Variants in PLEKHM1 observed in about 807,000 individuals in gnomAD.
The protein encoded by PLEKHM1 is pleckstrin homology and RUN domain containing M1.
In PLEKHM1, 28 loss-of-function variants were observed where a neutral mutation model predicts 94.3. That is an observed-to-expected ratio of 0.30 (90% CI 0.22 to 0.41). The LOEUF (loss-of-function observed/expected upper bound fraction) is 0.41. Among genes scored for constraint, PLEKHM1 ranks in the 10% least tolerant of loss-of-function variants. The pLI is 1.00. For missense variants in PLEKHM1, 907 were observed against 1,358.6 expected (o/e 0.67, Z 5.22); for synonymous variants, 424 against 581.2 (o/e 0.73, Z 3.89).
intron 8 of PLEKHM1, among the ~76,000 whole-genome samples, chr17:45,448,689 A>T (rs1275316373): frequency 1.3e-5 from 2 of 152,198 alleles, no homozygotes; most frequent in Non-Finnish European, 2.9e-5. Flanking sequence ...TGCCCTCCCA[A>T]CAACCCCGAC....
intron 3 of PLEKHM1, chr17:45,476,047 AG>A: frequency 1.5e-5 from 6 of 398,180 alleles, no homozygotes; most frequent in South Asian, 1.3e-4. Flanking sequence ...GCTACTCGGG[AG>A]GTTGAGGTGG....
At chr17:45,434,859 C>T (rs1452164596), downstream of PLEKHM1, among the ~76,000 whole-genome samples, 2 of 151,088 alleles carry the variant, frequency 1.3e-5, no homozygotes, top group Non-Finnish European at 2.9e-5. Flanking sequence ...GTCTCAGCTA[C>T]TCAGGAGGCT....
Position 45,439,496 on chromosome 17 carries a change from C to T in PLEKHM1, c.3040G>A (p.Glu1014Lys), listed in dbSNP as rs2050372853. 2 of 1,614,034 alleles carry T rather than the reference C, an allele frequency of 1.2e-6. No individual in the cohort carries two copies. The highest frequency in any genetic ancestry group is 1.7e-6 in the Non-Finnish European group (2 of 1,180,030). ...GCATACCTGACTGTGGTGTCAAACT[C>T]AAAGGGGAAGATGATGTCGTGGTGC... Reference protein sequence around the residue: ...CQHHDIIFPFEFDTTVRCAEC... With the variant: ...CQHHDIIFPFKFDTTVRCAEC... The change falls in exon 11 of 12, where the codon GAG (glutamate) becomes AAG (lysine). Residue 1014 changes from glutamate to lysine, a missense_variant. Physicochemically the swap from Glu to Lys is moderately conservative, Grantham distance 56. Coordinates refer to ENST00000430334, the MANE Select transcript of PLEKHM1 (RefSeq NM_014798.3).
intron 1 of PLEKHM1, among the ~76,000 whole-genome samples, chr17:45,489,951 G>C (rs954592185): frequency 6.6e-6 from 1 of 152,218 alleles, no homozygotes; most frequent in South Asian, 2.1e-4. Context: ...GGGACAGTTT[G>C]GCAAAGACTT....
At chr17:45,451,915 C>T (rs1425404891) in intron 7 of PLEKHM1, among the ~76,000 whole-genome samples, 8 of 152,212 alleles carry the variant, frequency 5.3e-5, no homozygotes, top group Non-Finnish European at 1.0e-4. Flanking sequence ...AGAGGTCAAG[C>T]GAGGCTTGCA....
At chr17:45,443,836 C>CT (rs966233838) in intron 9 of PLEKHM1, among the ~76,000 whole-genome samples, 3 of 152,130 alleles carry the variant, frequency 2.0e-5, no homozygotes, top group African/African-American at 7.2e-5. Flanking sequence ...TAAGTCAGCG[C>CT]TTGCCAAGAG....
At chr17:45,465,877 C>T (rs576445289) in intron 5 of PLEKHM1, among the ~76,000 whole-genome samples, 2 of 152,098 alleles carry the variant, frequency 1.3e-5, no homozygotes, top group African/African-American at 4.8e-5. Flanking sequence ...AAAGCAGAAG[C>T]TAGACCATGG....
chr17:45,478,010 C>A lies in PLEKHM1; in HGVS notation c.186G>T (p.Leu62=). Residue 62 remains leucine (L), a synonymous_variant, in exon 3 of 12, where the codon CTG becomes CTT. Coordinates refer to ENST00000430334, the MANE Select transcript of PLEKHM1 (RefSeq NM_014798.3). The part of the protein sequence containing the change: ...SALEAVFIHG[L]HAKHIRAEAG... Reference sequence around the variant, plus strand: ...CCTCAGCTCGGATGTGCTTGGCGTGCAGGCCATGGATAAATACGGCCTCCA... The same window carrying A: ...CCTCAGCTCGGATGTGCTTGGCGTGAAGGCCATGGATAAATACGGCCTCCA... 3 of 1,614,200 alleles carry A rather than the reference C, an allele frequency of 1.9e-6. No individual in the cohort carries two copies. Among genetic ancestry groups the A allele is most frequent in the Non-Finnish European group, 2.5e-6 (3 of 1,180,026 alleles).
rs1273833510 is a variant in PLEKHM1 at position 45,486,227 on chromosome 17, AGAT to A, written c.-41-3705_-41-3703del. Among the ~76,000 whole-genome samples the A allele has an allele frequency of 6.6e-3, 935 of 141,958 alleles. 23 individuals are homozygous for A. Among genetic ancestry groups the A allele is most frequent in the Non-Finnish European group, 9.9e-3 (637 of 64,556 alleles). 93.1% of individuals were successfully genotyped at this position (141,958 alleles called of 152,430 possible). ...GAGAGACTCCGTCTCAAAAAAAAAA[AGAT>A]AAAATAAAAAAATAATAATAATAAT... is the stretch of plus-strand genomic sequence containing the variant. On this transcript the variant is annotated intron_variant, in intron 1 of 11. Transcript: ENST00000430334.
chr17:45,462,501 C>T (rs1462021022), intron 5 of PLEKHM1, among the ~76,000 whole-genome samples: 2 of 151,992 alleles, frequency 1.3e-5, no homozygotes, highest in Non-Finnish European at 2.9e-5. Flanking sequence ...CAGGAGACAT[C>T]CATCGCCTCT....
intron 5 of PLEKHM1, among the ~76,000 whole-genome samples, chr17:45,463,085 CAAA>C (rs1290103977): frequency 7.3e-5 from 7 of 95,618 alleles, no homozygotes; most frequent in African/African-American, 3.6e-5. Context: ...GAGTCTGTGT[CAAA>C]AAAAAAAAAA....
chr17:45,443,756 C>G (rs1411926028), intron 9 of PLEKHM1, among the ~76,000 whole-genome samples: 1 of 152,156 alleles, frequency 6.6e-6, no homozygotes, highest in African/African-American at 2.4e-5. Context: ...AGAGATTTCA[C>G]CACCTGGTTA....
intron 4 of PLEKHM1, among the ~76,000 whole-genome samples, chr17:45,472,995 A>T (rs1321059796): frequency 6.6e-6 from 1 of 152,068 alleles, no homozygotes; most frequent in Non-Finnish European, 1.5e-5. Flanking sequence ...CCCATTTTCC[A>T]CCTATCAGAT....
chr17:45,489,047 T>C (rs1320666954), intron 1 of PLEKHM1, among the ~76,000 whole-genome samples: 1 of 152,244 alleles, frequency 6.6e-6, no homozygotes, highest in Non-Finnish European at 1.5e-5. Flanking sequence ...CAGGAAACTA[T>C]AAATGCTGAG....
rs776011413 is a variant in PLEKHM1, at chr17:45,436,247, G to T, written c.*1611C>A. Reference sequence around the variant, plus strand: ...ATGGGGCAATGAGGGCTCTGACTAGGCTGGGCTTGTGGTGGAGCGTTAATG... The same window carrying T: ...ATGGGGCAATGAGGGCTCTGACTAGTCTGGGCTTGTGGTGGAGCGTTAATG... On this transcript the variant is annotated 3_prime_UTR_variant, in exon 12 of 12. Transcript: ENST00000430334. 15 of 454,340 alleles carry T rather than the reference G, an allele frequency of 3.3e-5. No homozygotes were observed. The highest frequency in any genetic ancestry group is 2.3e-4 in the South Asian group (15 of 64,486). 28.1% of individuals were successfully genotyped at this position (454,340 alleles called of 1,614,324 possible). A position where few individuals can be genotyped will look rare whatever the true frequency, so the allele number is the denominator to read the frequency against.
At chr17:45,460,418 C>A (rs1305986486) in intron 5 of PLEKHM1, 1 of 152,108 alleles carries the variant, frequency 6.6e-6, no homozygotes, top group African/African-American at 2.4e-5. Context: ...TGCCACCATG[C>A]CCGGCTAATT....
intron 1 of PLEKHM1, among the ~76,000 whole-genome samples, 155 bp downstream of exon 1, chr17:45,490,497 C>A (rs550476171): frequency 6.6e-6 from 1 of 152,158 alleles, no homozygotes; most frequent in African/African-American, 2.4e-5. Flanking sequence ...GAGGAGCGGG[C>A]GCGGGCTGGA....
In PLEKHM1 at chr17:45,437,597, A is replaced by C. The variant is rs2050305607; in HGVS notation, c.*261T>G. ...TGGTGAGCCAGGGCCTGGTGAGTAA[A>C]CGGCCCTGCCTGCCCCAGACAGGGA... On this transcript the variant is annotated 3_prime_UTR_variant, in exon 12 of 12. Transcript: ENST00000430334. The surrounding 1 kb of genome is among the most constrained non-coding windows in gnomAD (Gnocchi z 4.0). 1.6e-6 allele frequency: 1 copy of C among 644,652 alleles called. No homozygotes were observed. The highest frequency in any genetic ancestry group is 2.8e-6 in the Non-Finnish European group (1 of 351,590). The allele number at this position is 644,652 out of a possible 1,614,324, so 39.9% of individuals were successfully genotyped here.
rs2050406998 is a variant in PLEKHM1 at position 45,440,285 on chromosome 17, GTTGT to G, written c.2838-63_2838-60del. The G allele has an allele frequency of 5.1e-6, 8 of 1,556,062 alleles. 1 individual carries two copies. In the Admixed American group the frequency reaches 6.7e-5, roughly 13 times the overall value. On this transcript the variant is annotated intron_variant, in intron 9 of 11. Coordinates refer to ENST00000430334, the MANE Select transcript of PLEKHM1 (RefSeq NM_014798.3). Reference sequence around the variant, plus strand: ...GTTTCCAGAACCCAGGCTAGCCTGTGTTGTTTGTTTACACTCCCCTGGCGCTGCT... The same window carrying G: ...GTTTCCAGAACCCAGGCTAGCCTGTGTTGTTTACACTCCCCTGGCGCTGCT...
Sources: allele counts gnomAD v4.1 joint callset (sites outside exome capture counted in the v4.1 genomes callset), GRCh38; gene constraint gnomAD v4.1.1; non-coding constraint Gnocchi (gnomAD v3.1); transcripts MANE v1.5; gene names NCBI Gene and HGNC (gene_info 2026-07-23, HGNC 2026-07-21).